Variants in PRSS36 observed in about 807,000 individuals in gnomAD.
The protein encoded by PRSS36 is serine protease 36, also known as polyserase-2.
Under a neutral mutation model 94.3 loss-of-function variants are expected in PRSS36, and 90 were observed. The ratio of observed to expected loss-of-function variants is 0.95; its 90% CI spans 0.80 to 1.14. The LOEUF is 1.14. Among genes scored for constraint, PRSS36 ranks in the 50% most tolerant of loss-of-function variants. The probability of loss-of-function intolerance (pLI) is 0.00; values close to 1 mark genes in which losing one functional copy is unlikely to be tolerated. For synonymous variants in PRSS36, 500 were observed against 489.6 expected, an observed-to-expected ratio of 1.02 and a Z score of -0.28; for missense variants, 1,158 against 1,135.0, an observed-to-expected ratio of 1.02 and a Z score of -0.29.
rs2057716472 is a variant in PRSS36 at position 31,142,488 on chromosome 16, C to T, written c.1514G>A (p.Ser505Asn). Residue 505 changes from serine to asparagine, a missense_variant, in exon 10 of 15, where the codon AGC (serine) becomes AAC (asparagine). Physicochemically the swap from Ser to Asn is conservative, Grantham distance 46. Transcript: ENST00000268281. The part of the protein sequence containing the change: ...PAYQEKEEVG[S>N]CWNDSRWSLL... ...CCCGCCCCCGCCGCTTACCCAGCAG[C>T]TGCCCACCTCCTCCTTTTCCTGGTA... is the stretch of plus-strand genomic sequence containing the variant. 1 of 1,476,446 alleles carries T rather than the reference C, an allele frequency of 6.8e-7. No individual in the cohort carries two copies. Among genetic ancestry groups the T allele is most frequent in the Non-Finnish European group, 9.0e-7 (1 of 1,115,268 alleles). The allele number at this position is 1,476,446 out of a possible 1,614,324, so 91.5% of individuals were successfully genotyped here.
chr16:31,142,398 T>G, intron 10 of PRSS36, 83 bp downstream of exon 10: 1 of 1,355,510 alleles, frequency 7.4e-7, no homozygotes, highest in Non-Finnish European at 9.6e-7. Context: ...TAGAGCCCAC[T>G]TGGACTCGCC....
Position 31,149,092 on chromosome 16 carries a change from C to T in PRSS36, c.253G>A (p.Ala85Thr), listed in dbSNP as rs750736245. 6 of 1,593,296 alleles carry T rather than the reference C, an allele frequency of 3.8e-6. No homozygotes were observed. In the Admixed American group the frequency reaches 1.1e-4, roughly 29 times the overall value. ...SLIAPSWVLS[A>T]AHCFMTNGTL... ...ACTCACGTCATGAAACAGTGAGCAG[C>T]GGAGAGGACCCAGGAGGGGGCGATG... Residue 85 changes from alanine to threonine, a missense_variant, in exon 4 of 15, where the codon GCT becomes ACT. Transcript: ENST00000268281.
chr16:31,147,551 G>C (rs1202482703), intron 5 of PRSS36, among the ~76,000 whole-genome samples: 1 of 152,130 alleles, frequency 6.6e-6, no homozygotes, highest in Non-Finnish European at 1.5e-5. Flanking sequence ...GGGGATGATG[G>C]GGATGGAGAT....
At position 31,140,474 on chromosome 16, in the gene PRSS36, G is replaced by A. The variant is rs551183530; in HGVS notation, c.2167+18C>T. On this transcript the variant is annotated intron_variant, in intron 13 of 14. Coordinates refer to ENST00000268281, the MANE Select transcript of PRSS36 (RefSeq NM_173502.5). ...TGGCCTCCAGCTACTCCTCGTTCCC[G>A]TGACCCAGGGGTCTCACCTCGGTCC... The A allele has an allele frequency of 1.6e-5, 25 of 1,594,432 alleles. No individual in the cohort carries two copies. Among genetic ancestry groups the A allele is most frequent in the Admixed American group, 5.1e-5 (3 of 58,746 alleles).
intron 6 of PRSS36, among the ~76,000 whole-genome samples, chr16:31,145,372 C>CAAA (rs376926791): frequency 6.7e-5 from 3 of 44,598 alleles, no homozygotes; most frequent in African/African-American, 9.2e-5. Flanking sequence ...GACTCCGTCT[C>CAAA]AAAAAAAAAA....
At chr16:31,149,426 C>A in intron 3 of PRSS36, 37 bp downstream of exon 3, 1 of 1,612,700 alleles carries the variant, frequency 6.2e-7, no homozygotes, top group South Asian at 1.1e-5. Context: ...GCCTTAGCCT[C>A]CTTTAAGGTC....
chr16:31,142,735 AC>A lies in PRSS36; in HGVS notation c.1357+1del. The stretch of plus-strand genomic sequence containing the variant: ...CCGGCCCAGCGCCGGTCCCCAGCTC[AC>A]CCCCGCGGCCCCAGCGGGCCAGGCG... On this transcript the variant is annotated splice_donor_variant, in intron 9 of 14. Transcript: ENST00000268281. LOFTEE classifies it high-confidence loss of function. The A allele has an allele frequency of 1.5e-6, 2 of 1,363,378 alleles. No individual in the cohort carries two copies. Among genetic ancestry groups the A allele is most frequent in the Non-Finnish European group, 1.9e-6 (2 of 1,056,204 alleles). The allele number at this position is 1,363,378 out of a possible 1,614,324, so 84.5% of individuals were successfully genotyped here. A position where few individuals can be genotyped will look rare whatever the true frequency, so the allele number is the denominator to read the frequency against.
rs1393579243 is a variant in PRSS36 at position 31,145,921 on chromosome 16, C to T, written c.588G>A (p.Val196=). The T allele has an allele frequency of 6.2e-7, 1 of 1,613,636 alleles. No individual in the cohort carries two copies. The highest frequency in any genetic ancestry group is 1.3e-5 in the African/African-American group (1 of 74,932). The change falls in exon 6 of 15, where the codon GTG becomes GTA. Residue 196 remains valine (V), a synonymous_variant. Transcript: ENST00000268281. ...PLPLPWVLQE[V]ELRLLGEATC... ...TGGCCTCGCCCAGCAGCCTTAGCTC[C>T]ACTTCCTGTAGCACCCAGGGGAGAG...
In PRSS36 at chr16:31,145,782, C is replaced by T. The variant is rs770638372; in HGVS notation, c.720+7G>A. Reference sequence around the variant, plus strand: ...CCTGCCAGGCAGGTGCCGGGGCCTTCCCTCACCTGGCAGGTGTCCCTGCGG... The same window carrying T: ...CCTGCCAGGCAGGTGCCGGGGCCTTTCCTCACCTGGCAGGTGTCCCTGCGG... On this transcript the variant is annotated splice_region_variant and intron_variant, in intron 6 of 14. Transcript: ENST00000268281. 5.5e-5 allele frequency: 88 copies of T among 1,611,102 alleles called. No homozygotes were observed. Among genetic ancestry groups the T allele is most frequent in the Non-Finnish European group, 7.2e-5 (85 of 1,178,996 alleles).
In PRSS36 at chr16:31,141,481, T is replaced by A. The variant is rs777376219; in HGVS notation, c.1889A>T (p.His630Leu). 1 of 1,611,800 alleles carries A rather than the reference T, an allele frequency of 6.2e-7. No individual in the cohort carries two copies. ...LAPGWVLAAT[H>L]CVLRPGSTTV... ...GAGTGAGACCCACCTGAGGACACAG[T>A]GAGTGGCTGCCAGGACCCAGCCTGG... Residue 630 changes from histidine (H) to leucine (L), a missense_variant, in exon 12 of 15, where the codon CAC becomes CTC. Coordinates refer to ENST00000268281, the MANE Select transcript of PRSS36 (RefSeq NM_173502.5).
rs1173728595 is a variant in PRSS36 at position 31,148,419 on chromosome 16, C to A, written c.529G>T (p.Gly177Cys). 1.9e-6 allele frequency: 3 copies of A among 1,572,334 alleles called. No individual in the cohort carries two copies. In the Admixed American group the frequency reaches 5.3e-5, roughly 28 times the overall value. ...FVHGTACWAT[G>C]WGDVQEADPL... ...CCTGCCTCCTGGACGTCTCCCCAGC[C>A]GGTGGCCCAGCAGGCGGTGCCGTGC... The change falls in exon 5 of 15, where the codon GGC becomes TGC. Residue 177 changes from glycine (G) to cysteine (C), a missense_variant. Transcript: ENST00000268281.
In PRSS36 at chr16:31,141,935, C is replaced by A. The variant is rs1203538782; in HGVS notation, c.1547G>T (p.Cys516Phe). The change falls in exon 11 of 15, where the codon TGC becomes TTC. Residue 516 changes from cysteine (C) to phenylalanine (F), a missense_variant. Transcript: ENST00000268281. Reference protein sequence around the residue: ...CWNDSRWSLLCQEEGTWFLAG... With the variant: ...CWNDSRWSLLFQEEGTWFLAG... The stretch of plus-strand genomic sequence containing the variant: ...CAGAAACCAGGTCCCCTCCTCCTGG[C>A]ACAAAAGGCTCCAACGCGAGTCATT... The A allele has an allele frequency of 6.2e-7, 1 of 1,614,142 alleles. No homozygotes were observed. Among genetic ancestry groups the A allele is most frequent in the Non-Finnish European group, 8.5e-7 (1 of 1,180,022 alleles).
At chr16:31,142,706 C>A (rs1200585224) in intron 9 of PRSS36, 31 bp downstream of exon 9, 7 of 1,347,290 alleles carry the variant, frequency 5.2e-6, no homozygotes. Context: ...CCGCCCGGTG[C>A]CGCCCGGCCC....
intron 14 of PRSS36, 112 bp downstream of exon 14, chr16:31,140,180 ACT>A (rs2057660575): frequency 1.7e-6 from 2 of 1,204,068 alleles, no homozygotes; most frequent in Non-Finnish European, 2.2e-6. Context: ...ACAGAGTGAG[ACT>A]CTGTCTCAAA....
chr16:31,139,079 C>A lies in PRSS36; in HGVS notation c.*59G>T. On this transcript the variant is annotated 3_prime_UTR_variant, in exon 15 of 15. Coordinates refer to ENST00000268281, the MANE Select transcript of PRSS36 (RefSeq NM_173502.5). ...CCAGCCGGCTGGGCCACATTCCAGC[C>A]CCACTGGGCGGGAAGTAGAGGGTGG... The A allele has an allele frequency of 6.7e-7, 1 of 1,499,578 alleles. No homozygotes were observed. The highest frequency in any genetic ancestry group is 1.4e-5 in the South Asian group (1 of 73,550). The allele number at this position is 1,499,578 out of a possible 1,614,324, so 92.9% of individuals were successfully genotyped here. A position where few individuals can be genotyped will look rare whatever the true frequency, so the allele number is the denominator to read the frequency against.
At chr16:31,149,314 C>T in intron 3 of PRSS36, 79 bp from the exon 4 acceptor site, 1 of 1,499,960 alleles carries the variant, frequency 6.7e-7, no homozygotes, top group South Asian at 1.3e-5. Flanking sequence ...GGACGAAGGC[C>T]CGTCCTCCAC....
In PRSS36 at chr16:31,142,980, C is replaced by T. The variant is rs1274111697; in HGVS notation, c.1114G>A (p.Asp372Asn). ...GCGTCGAGGTCGCGGGGTGGGCTGT[C>T]GGAGCTGTTCGGGCTGCGGGATGGG... ...ASCFLDPNSS[D>N]SPPRDLDAWR... is the part of the protein sequence containing the mutation. The change falls in exon 9 of 15, where the codon GAC becomes AAC. Residue 372 changes from aspartate to asparagine, a missense_variant. Coordinates refer to ENST00000268281, the MANE Select transcript of PRSS36 (RefSeq NM_173502.5). 3.6e-6 allele frequency: 5 copies of T among 1,400,046 alleles called. No individual in the cohort carries two copies. Among genetic ancestry groups the T allele is most frequent in the Non-Finnish European group, 4.6e-6 (5 of 1,081,912 alleles). The allele number at this position is 1,400,046 out of a possible 1,614,324, so 86.7% of individuals were successfully genotyped here. A position where few individuals can be genotyped will look rare whatever the true frequency, so the allele number is the denominator to read the frequency against.
intron 6 of PRSS36, among the ~76,000 whole-genome samples, chr16:31,145,222 A>T (rs567820113): frequency 6.6e-6 from 1 of 151,098 alleles, no homozygotes; most frequent in East Asian, 1.9e-4. Flanking sequence ...ACAAAAAAAA[A>T]ATTAGCTGGG....
At chr16:31,146,099 C>T in intron 5 of PRSS36, 144 bp from the exon 6 acceptor site, 1 of 693,958 alleles carries the variant, frequency 1.4e-6, no homozygotes. Flanking sequence ...CACCACATCT[C>T]CTCCTGCTTC....
Sources: allele counts gnomAD v4.1 joint callset (sites outside exome capture counted in the v4.1 genomes callset), GRCh38; gene constraint gnomAD v4.1.1; transcripts MANE v1.5; gene names NCBI Gene and HGNC (gene_info 2026-07-23, HGNC 2026-07-21).